The following PAX7 variants were observed in gnomAD, a reference collection of about 807,000 sequenced individuals.
PAX7 encodes paired box protein Pax-7.
A neutral mutation model predicts 50.7 loss-of-function variants in PAX7; 18 were observed. That is an observed-to-expected ratio of 0.36 (90% CI 0.25 to 0.53). PAX7 has a LOEUF of 0.53. Ranked by LOEUF, PAX7 falls within the 20% of genes least tolerant of loss-of-function variation. PAX7 has a pLI of 0.93. For missense variants in PAX7, 644 were observed against 702.9 expected (o/e 0.92, Z 0.95); for synonymous variants, 310 against 290.4 (o/e 1.07, Z -0.69).
chr1:18,697,718 A>C (rs1354032442), intron 5 of PAX7, among the ~76,000 whole-genome samples: 1 of 152,172 alleles, frequency 6.6e-6, no homozygotes, highest in Non-Finnish European at 1.5e-5. Context: ...TTGGCAACAA[A>C]GGCATGCCCT....
chr1:18,700,530 G>A lies in PAX7; in HGVS notation c.787-123G>A. ...GCGTCCTGTGCTGCACAATGCCGGG[G>A]CCTGCAGGAGGATGCTGGCTGGATC... On this transcript the variant is annotated intron_variant, in intron 5 of 8. Transcript: ENST00000420770. The surrounding 1 kb of genome is among the most constrained non-coding windows in gnomAD (Gnocchi z 4.8). 2.4e-6 allele frequency: 2 copies of A among 838,324 alleles called. No homozygotes were observed. The highest frequency in any genetic ancestry group is 3.6e-6 in the Non-Finnish European group (2 of 562,606). 51.9% of individuals were successfully genotyped at this position (838,324 alleles called of 1,614,324 possible).
chr1:18,634,520 C>T lies in PAX7; in HGVS notation c.303C>T (p.Ile101=), dbSNP rs753213261. ...CCGGGTCCATCCGGCCTGGGGCCAT[C>T]GGCGGCAGCAAGCCCAGAGTGAGTG... ...QETGSIRPGA[I]GGSKPRQVAT... Residue 101 remains isoleucine (I), a synonymous_variant, in exon 2 of 9, where the codon ATC becomes ATT. Coordinates refer to ENST00000420770, the MANE Select transcript of PAX7 (RefSeq NM_001135254.2). The surrounding 1 kb of genome is among the most constrained non-coding windows in gnomAD (Gnocchi z 4.0). 21 of 1,613,928 alleles carry T rather than the reference C, an allele frequency of 1.3e-5. No homozygotes were observed. The highest frequency in any genetic ancestry group is 6.7e-5 in the East Asian group (3 of 44,882).
rs116577380 is a variant in PAX7 at position 18,739,076 on chromosome 1, C to T, written c.1402+3198C>T. 3.9e-3 allele frequency among the ~76,000 whole-genome samples: 591 copies of T among 152,350 alleles called. 3 individuals carry two copies. Among genetic ancestry groups the T allele is most frequent in the African/African-American group, 0.013 (546 of 41,574 alleles). On this transcript the variant is annotated intron_variant, in intron 8 of 8. Transcript: ENST00000420770. ...AGGTCCATCTGTCCTCCCTTAACAC[C>T]TGCCCTCTGCCCAAGTTCATCCCAC... is the stretch of plus-strand genomic sequence containing the variant.
At chr1:18,633,969 CT>C (rs778815306) in intron 1 of PAX7, among the ~76,000 whole-genome samples, 2 of 152,314 alleles carry the variant, frequency 1.3e-5, no homozygotes, top group East Asian at 3.9e-4. Flanking sequence ...GCAGTCTCAT[CT>C]TCATCTCTCT....
intron 4 of PAX7, among the ~76,000 whole-genome samples, chr1:18,656,957 A>G (rs2088531462): frequency 6.6e-6 from 1 of 152,202 alleles, no homozygotes; most frequent in Non-Finnish European, 1.5e-5. Flanking sequence ...ACACCACTGC[A>G]CTGCAGCCTT....
chr1:18,743,474 C>T (rs1931256304), intron 8 of PAX7, among the ~76,000 whole-genome samples: 1 of 152,264 alleles, frequency 6.6e-6, no homozygotes. Flanking sequence ...AGTGCTACAG[C>T]GTCCCCTGTG....
intron 4 of PAX7, among the ~76,000 whole-genome samples, chr1:18,649,425 C>T (rs917821287): frequency 6.6e-6 from 1 of 152,074 alleles, no homozygotes; most frequent in Non-Finnish European, 1.5e-5. Context: ...GGAGGGTCCC[C>T]TTCTAACAGG....
At chr1:18,734,845 T>C in intron 7 of PAX7, among the ~76,000 whole-genome samples, 1 of 152,152 alleles carries the variant, frequency 6.6e-6, no homozygotes, top group East Asian at 1.9e-4. Flanking sequence ...CATGCCTGTT[T>C]GTGGAGTAAA....
At chr1:18,655,611 T>C (rs1276462246) in intron 4 of PAX7, among the ~76,000 whole-genome samples, 1 of 152,232 alleles carries the variant, frequency 6.6e-6, no homozygotes, top group Non-Finnish European at 1.5e-5. Flanking sequence ...TTTCCAGGCC[T>C]GTCAGCTGAA....
chr1:18,638,973 C>A (rs1397564114), intron 4 of PAX7, among the ~76,000 whole-genome samples: 1 of 152,180 alleles, frequency 6.6e-6, no homozygotes, highest in African/African-American at 2.4e-5. Context: ...ACACCCACAA[C>A]TTTGTTTTGG....
chr1:18,631,402 AC>A lies in PAX7; in HGVS notation c.-196del. ...CTCCCCCCAACCTCCACCCCACCTCACCCCCCTCCCCAGCTTCTGGACGCGT... is the reference window on the plus strand; with the variant it reads ...CTCCCCCCAACCTCCACCCCACCTCACCCCCTCCCCAGCTTCTGGACGCGT... On this transcript the variant is annotated 5_prime_UTR_variant, in exon 1 of 9. Coordinates refer to ENST00000420770, the MANE Select transcript of PAX7 (RefSeq NM_001135254.2). 1 of 573,552 alleles carries A rather than the reference AC, an allele frequency of 1.7e-6. No individual in the cohort carries two copies. The highest frequency in any genetic ancestry group is 3.1e-6 in the Non-Finnish European group (1 of 318,984). The allele number at this position is 573,552 out of a possible 1,614,324, so 35.5% of individuals were successfully genotyped here.
At chr1:18,721,100 C>A (rs533242890) in intron 7 of PAX7, among the ~76,000 whole-genome samples, 1 of 152,270 alleles carries the variant, frequency 6.6e-6, no homozygotes, top group Admixed American at 6.5e-5. Flanking sequence ...TCTCCACACT[C>A]CCTCCAGCCT....
At position 18,631,151 on chromosome 1, in the gene PAX7, C is replaced by A; in HGVS notation, c.-453C>A. On this transcript the variant is annotated 5_prime_UTR_variant, in exon 1 of 9. Transcript: ENST00000420770. ...AGTCTCCGGGCTCGGAAACTTTGGC[C>A]CCGAGCGCCAGAGCGCCAGAGCGCG... 1 of 235,752 alleles carries A rather than the reference C, an allele frequency of 4.2e-6. No individual in the cohort carries two copies. 14.6% of individuals were successfully genotyped at this position (235,752 alleles called of 1,614,324 possible).
intron 8 of PAX7, among the ~76,000 whole-genome samples, chr1:18,737,558 C>T (rs1469646114): frequency 6.6e-6 from 1 of 152,244 alleles, no homozygotes; most frequent in Non-Finnish European, 1.5e-5. Context: ...TGTGATGCTT[C>T]TATTTCAGCA....
At chr1:18,692,526 A>G (rs1228319559) in intron 5 of PAX7, among the ~76,000 whole-genome samples, 1 of 144,268 alleles carries the variant, frequency 6.9e-6, no homozygotes, top group Non-Finnish European at 1.5e-5. Flanking sequence ...TGGGTGACAG[A>G]GCGAGACTCC....
chr1:18,633,729 C>T (rs543770909), intron 1 of PAX7, among the ~76,000 whole-genome samples: 10 of 152,216 alleles, frequency 6.6e-5, no homozygotes, highest in Non-Finnish European at 1.0e-4. Context: ...GACAGTTCCA[C>T]GGCTCTAGCC....
At chr1:18,653,778 G>T (rs1487572681) in intron 4 of PAX7, among the ~76,000 whole-genome samples, 1 of 152,000 alleles carries the variant, frequency 6.6e-6, no homozygotes, top group Non-Finnish European at 1.5e-5. Context: ...CTGAGAAGCG[G>T]CTGAGCCTGA....
chr1:18,731,443 T>C (rs1262590502), intron 7 of PAX7, among the ~76,000 whole-genome samples: 1 of 152,146 alleles, frequency 6.6e-6, no homozygotes, highest in African/African-American at 2.4e-5. Flanking sequence ...CTCTGCCACT[T>C]ACCGGCTGTG....
intron 7 of PAX7, among the ~76,000 whole-genome samples, chr1:18,709,984 A>T (rs535189221): frequency 3.9e-5 from 6 of 152,334 alleles, no homozygotes; most frequent in South Asian, 4.2e-4. Context: ...TTATTTGTGA[A>T]TGGGGTCTCC....
Sources: allele counts gnomAD v4.1 joint callset (sites outside exome capture counted in the v4.1 genomes callset), GRCh38; gene constraint gnomAD v4.1.1; non-coding constraint Gnocchi (gnomAD v3.1); transcripts MANE v1.5; gene names NCBI Gene and HGNC (gene_info 2026-07-23, HGNC 2026-07-21).